The following MARCHF3 variants were observed in gnomAD, a reference collection of about 807,000 sequenced individuals.
MARCHF3 encodes the protein E3 ubiquitin-protein ligase MARCHF3.
MARCHF3 carries 13 observed loss-of-function variants against 24.2 expected under a neutral mutation model. The observed-to-expected ratio is 0.54, with a 90% CI of 0.35 to 0.85. The LOEUF is 0.85. Ranked by LOEUF, MARCHF3 falls within the 40% of genes least tolerant of loss-of-function variation. MARCHF3 has a pLI of 0.01. For missense variants in MARCHF3, 276 were observed against 325.0 expected (o/e 0.85, Z 1.16); for synonymous variants, 144 against 137.3 (o/e 1.05, Z -0.34).
intron 1 of MARCHF3, among the ~76,000 whole-genome samples, chr5:126,921,309 A>C (rs528444743): frequency 1.3e-5 from 2 of 152,248 alleles, no homozygotes; most frequent in East Asian, 3.9e-4. Flanking sequence ...TAATCTCAGA[A>C]GAGTGGATCT....
chr5:127,016,208 TGTGGGACTTA>T (rs1482021766), intron 1 of MARCHF3, among the ~76,000 whole-genome samples: 1 of 152,216 alleles, frequency 6.6e-6, no homozygotes, highest in African/African-American at 2.4e-5. Context: ...AGGTATCCAC[TGTGGGACTTA>T]GAACACATTC....
intron 3 of MARCHF3, among the ~76,000 whole-genome samples, chr5:126,878,927 T>G (rs1753261067): frequency 6.6e-6 from 1 of 152,232 alleles, no homozygotes; most frequent in Admixed American, 6.5e-5. Context: ...GCCAGAGGCC[T>G]TGGGCCCACA....
chr5:126,954,839 T>G (rs1013769491), intron 1 of MARCHF3, among the ~76,000 whole-genome samples: 1 of 152,198 alleles, frequency 6.6e-6, no homozygotes, highest in Non-Finnish European at 1.5e-5. Context: ...TGTTTCCCAA[T>G]GCCTACCCTC....
intron 1 of MARCHF3, among the ~76,000 whole-genome samples, chr5:127,010,152 CA>C (rs1216328897): frequency 6.6e-6 from 1 of 152,152 alleles, no homozygotes; most frequent in Non-Finnish European, 1.5e-5. Context: ...CGGTCATTTA[CA>C]CTGACTTCAT....
intron 3 of MARCHF3, among the ~76,000 whole-genome samples, chr5:126,895,279 T>C (rs1301712560): frequency 2.6e-5 from 4 of 152,144 alleles, no homozygotes; most frequent in South Asian, 2.1e-4. Flanking sequence ...CTCAGAGTAA[T>C]TTGATCGTCT....
At chr5:126,961,983 T>C (rs921167844) in intron 1 of MARCHF3, among the ~76,000 whole-genome samples, 4 of 152,206 alleles carry the variant, frequency 2.6e-5, no homozygotes, top group African/African-American at 9.6e-5. Flanking sequence ...AGAGTGATAA[T>C]GCTGAAGCAA....
chr5:126,939,793 T>C (rs1365144439), intron 1 of MARCHF3, among the ~76,000 whole-genome samples: 1 of 152,204 alleles, frequency 6.6e-6, no homozygotes, highest in Non-Finnish European at 1.5e-5. Flanking sequence ...CATTTTCATC[T>C]ACCAATCAAT....
chr5:126,979,217 C>T (rs1341650155), intron 1 of MARCHF3, among the ~76,000 whole-genome samples: 2 of 152,182 alleles, frequency 1.3e-5, no homozygotes, highest in African/African-American at 4.8e-5. Context: ...AATTTACTTC[C>T]TCAACCAGAC....
intron 4 of MARCHF3, among the ~76,000 whole-genome samples, chr5:126,874,866 C>A (rs143377702): frequency 6.6e-6 from 1 of 152,152 alleles, no homozygotes; most frequent in African/African-American, 2.4e-5. Flanking sequence ...CCACAGTGAG[C>A]CTTGTTGGGA....
chr5:126,967,854 T>C (rs552673578), intron 1 of MARCHF3, among the ~76,000 whole-genome samples: 1 of 152,198 alleles, frequency 6.6e-6, no homozygotes, highest in Non-Finnish European at 1.5e-5. Context: ...CTCACTCTCT[T>C]AAAATATACA....
intron 1 of MARCHF3, among the ~76,000 whole-genome samples, chr5:127,016,219 GA>G (rs1223616770): frequency 6.6e-6 from 1 of 152,050 alleles, no homozygotes; most frequent in East Asian, 1.9e-4. Flanking sequence ...GTGGGACTTA[GA>G]ACACATTCCC....
At chr5:126,998,210 G>A (rs1752009117) in intron 1 of MARCHF3, among the ~76,000 whole-genome samples, 1 of 152,140 alleles carries the variant, frequency 6.6e-6, no homozygotes, top group Admixed American at 6.5e-5. Flanking sequence ...AAATACAAAG[G>A]CAGTGTCCAA....
chr5:126,976,743 G>A (rs1751213418), intron 1 of MARCHF3, among the ~76,000 whole-genome samples: 1 of 152,174 alleles, frequency 6.6e-6, no homozygotes. Flanking sequence ...TGCACACATG[G>A]CACCTGGCTC....
intron 1 of MARCHF3, among the ~76,000 whole-genome samples, chr5:126,929,218 C>T (rs1181903470): frequency 1.3e-5 from 2 of 152,186 alleles, no homozygotes; most frequent in Non-Finnish European, 2.9e-5. Context: ...TCTTGTGTTA[C>T]CATTTCACTT....
At chr5:127,026,633 T>C (rs866748350) in intron 1 of MARCHF3, among the ~76,000 whole-genome samples, 4 of 152,360 alleles carry the variant, frequency 2.6e-5, no homozygotes, top group Middle Eastern at 6.8e-3. Context: ...ATCACCACAA[T>C]CCTAAATCAA....
intron 1 of MARCHF3, among the ~76,000 whole-genome samples, chr5:126,955,455 C>T (rs1163269890): frequency 6.6e-6 from 1 of 152,206 alleles, no homozygotes; most frequent in East Asian, 1.9e-4. Flanking sequence ...TGCCCAGTTT[C>T]GTTCATCCGG....
At chr5:126,961,803 A>AC (rs1750645702) in intron 1 of MARCHF3, among the ~76,000 whole-genome samples, 1 of 152,146 alleles carries the variant, frequency 6.6e-6, no homozygotes, top group Admixed American at 6.6e-5. Context: ...GCATGGGGCA[A>AC]CCGGCCCCCA....
intron 1 of MARCHF3, among the ~76,000 whole-genome samples, chr5:126,979,090 C>T (rs988803068): frequency 2.0e-5 from 3 of 152,150 alleles, no homozygotes; most frequent in Non-Finnish European, 2.9e-5. Context: ...ACGGACTTTC[C>T]TTAATTTAAT....
intron 1 of MARCHF3, among the ~76,000 whole-genome samples, chr5:126,973,877 CTATT>C (rs1287922568): frequency 2.4e-4 from 28 of 114,834 alleles, no homozygotes; most frequent in South Asian, 5.9e-4. Flanking sequence ...TAAGCAAAAT[CTATT>C]TTTTTTTTTT....
Sources: gnomAD v4.1 joint callset for allele counts (sites outside exome capture counted in the v4.1 genomes callset) on GRCh38, gnomAD v4.1.1 for gene constraint, MANE v1.5 for transcripts, NCBI Gene and HGNC (gene_info 2026-07-23, HGNC 2026-07-21) for gene names.